Variants in TMEM132C observed in about 807,000 individuals in gnomAD.
TMEM132C encodes protein phosphatase 1, regulatory subunit 152.
TMEM132C carries 29 observed loss-of-function variants against 61.4 expected under a neutral mutation model. The observed-to-expected ratio is 0.47, with a 90% confidence interval of 0.35 to 0.64. TMEM132C has a LOEUF of 0.64. TMEM132C is among the 30% of genes least tolerant of loss of function. The probability of loss-of-function intolerance (pLI) is 0.00; values close to 1 mark genes in which losing one functional copy is unlikely to be tolerated. For missense variants in TMEM132C, 1,408 were observed against 1,476.9 expected (o/e 0.95, Z 0.76); for synonymous variants, 656 against 633.1 (o/e 1.04, Z -0.54).
At chr12:128,455,806 C>T in intron 2 of TMEM132C, among the ~76,000 whole-genome samples, 1 of 152,084 alleles carries the variant, frequency 6.6e-6, no homozygotes. Context: ...TCCAGGCCGA[C>T]TTACGGGCTG....
At chr12:128,397,080 A>C (rs1391387530) in intron 1 of TMEM132C, among the ~76,000 whole-genome samples, 1 of 152,128 alleles carries the variant, frequency 6.6e-6, no homozygotes, top group African/African-American at 2.4e-5. Context: ...ACCATACATC[A>C]GCAGCTGTGA....
intron 5 of TMEM132C, among the ~76,000 whole-genome samples, chr12:128,673,084 T>C (rs1404184366): frequency 1.3e-5 from 2 of 152,194 alleles, no homozygotes; most frequent in Admixed American, 6.5e-5. Context: ...AGGAGAGGAA[T>C]GCTGGCCTTC....
At chr12:128,308,067 C>A (rs1317601581) in intron 1 of TMEM132C, among the ~76,000 whole-genome samples, 1 of 152,184 alleles carries the variant, frequency 6.6e-6, no homozygotes, top group African/African-American at 2.4e-5. Context: ...ACTTTATCTG[C>A]AACAGTTAGG....
intron 3 of TMEM132C, among the ~76,000 whole-genome samples, chr12:128,572,526 G>T (rs1468156616): frequency 6.6e-6 from 1 of 151,264 alleles, no homozygotes. Context: ...GCTGGCCTCT[G>T]ATTGGCCGGG....
intron 3 of TMEM132C, among the ~76,000 whole-genome samples, chr12:128,544,760 T>G (rs549174440): frequency 6.6e-6 from 1 of 152,322 alleles, no homozygotes; most frequent in South Asian, 2.1e-4. Flanking sequence ...CTAAATATAT[T>G]TAGTTTACAA....
At chr12:128,439,935 T>C (rs1263013843) in intron 2 of TMEM132C, among the ~76,000 whole-genome samples, 2 of 152,206 alleles carry the variant, frequency 1.3e-5, no homozygotes, top group Non-Finnish European at 2.9e-5. Context: ...AGGGACCATT[T>C]CACATCCAGC....
At chr12:128,520,582 T>C (rs1872874944) in intron 2 of TMEM132C, among the ~76,000 whole-genome samples, 1 of 152,166 alleles carries the variant, frequency 6.6e-6, no homozygotes. Context: ...TAGAACAAGA[T>C]CATTCTTTGT....
At position 128,639,230 on chromosome 12, in the gene TMEM132C, GTGA is replaced by G. The variant is rs372403758; in HGVS notation, c.1305+22904_1305+22906del. On this transcript the variant is annotated intron_variant, in intron 4 of 8. Transcript: ENST00000435159. ...GATGATGGTGATGATAATGACAATG[GTGA>G]TGATGATGGTGATAATGATGATGGT... Among the ~76,000 whole-genome samples, 68 of 149,320 alleles carry G rather than the reference GTGA, an allele frequency of 4.6e-4. No individual in the cohort carries two copies. The East Asian group carries it at 7.1e-3, about 16-fold the overall frequency.
rs572440734 is a variant in TMEM132C at position 128,356,094 on chromosome 12, G to A, written c.86-58638G>A. Among the ~76,000 whole-genome samples, 86 of 152,326 alleles carry A rather than the reference G, an allele frequency of 5.6e-4. 1 individual carries two copies. The South Asian group carries it at 0.017, about 30-fold the overall frequency. ...ACCAAACATGTGTCCAAGGAATGATGGAAGAAATGAATTACCCTTGAACAC... is the reference window on the plus strand; with the variant it reads ...ACCAAACATGTGTCCAAGGAATGATAGAAGAAATGAATTACCCTTGAACAC... On this transcript the variant is annotated intron_variant, in intron 1 of 8. Transcript: ENST00000435159.
At chr12:128,682,310 C>G (rs1017221450) in intron 5 of TMEM132C, among the ~76,000 whole-genome samples, 3 of 152,194 alleles carry the variant, frequency 2.0e-5, no homozygotes, top group Non-Finnish European at 4.4e-5. Context: ...TCTTTGTCGC[C>G]TGATTGTTCC....
At chr12:128,320,142 C>G (rs1406833614) in intron 1 of TMEM132C, among the ~76,000 whole-genome samples, 1 of 152,100 alleles carries the variant, frequency 6.6e-6, no homozygotes, top group Non-Finnish European at 1.5e-5. Context: ...TGGTTTTTTT[C>G]TAAGTATATT....
intron 2 of TMEM132C, among the ~76,000 whole-genome samples, chr12:128,426,464 G>A (rs1463592703): frequency 6.6e-6 from 1 of 152,100 alleles, no homozygotes; most frequent in Non-Finnish European, 1.5e-5. Flanking sequence ...CCTAAAACAC[G>A]ACCAAGTTTG....
At chr12:128,617,779 G>GA (rs1398957255) in intron 4 of TMEM132C, among the ~76,000 whole-genome samples, 1 of 152,190 alleles carries the variant, frequency 6.6e-6, no homozygotes, top group African/African-American at 2.4e-5. Context: ...GGCTTTCACT[G>GA]AAACAGGGAA....
At chr12:128,541,472 G>A (rs1305952529) in intron 2 of TMEM132C, among the ~76,000 whole-genome samples, 1 of 152,156 alleles carries the variant, frequency 6.6e-6, no homozygotes, top group Non-Finnish European at 1.5e-5. Context: ...TCTTTCTGGT[G>A]ACCAACCCTA....
chr12:128,540,569 A>T (rs1411762258), intron 2 of TMEM132C, among the ~76,000 whole-genome samples: 1 of 152,122 alleles, frequency 6.6e-6, no homozygotes, highest in Admixed American at 6.5e-5. Context: ...TGTTTTCTTA[A>T]ACACGGATAT....
At chr12:128,357,832 C>G (rs1277933862) in intron 1 of TMEM132C, among the ~76,000 whole-genome samples, 1 of 151,308 alleles carries the variant, frequency 6.6e-6, no homozygotes, top group Admixed American at 6.6e-5. Flanking sequence ...TCCCACCCCA[C>G]CACACCCACC....
chr12:128,302,306 C>A (rs1169305291), intron 1 of TMEM132C, among the ~76,000 whole-genome samples: 1 of 152,160 alleles, frequency 6.6e-6, no homozygotes, highest in Non-Finnish European at 1.5e-5. Flanking sequence ...GCTGGCTGAT[C>A]TTATTATTAT....
intron 4 of TMEM132C, among the ~76,000 whole-genome samples, chr12:128,642,119 T>G (rs909889403): frequency 6.8e-6 from 1 of 146,122 alleles, no homozygotes; most frequent in African/African-American, 2.8e-5. Flanking sequence ...CCATTTTTTG[T>G]TTTTTTTGTT....
chr12:128,640,682 AC>A (rs1292943119), intron 4 of TMEM132C, among the ~76,000 whole-genome samples: 1 of 152,204 alleles, frequency 6.6e-6, no homozygotes, highest in African/African-American at 2.4e-5. Flanking sequence ...GATCACTTGA[AC>A]CCAGGAGTTC....
Sources: allele counts gnomAD v4.1 joint callset (sites outside exome capture counted in the v4.1 genomes callset), GRCh38; gene constraint gnomAD v4.1.1; transcripts MANE v1.5; gene names NCBI Gene and HGNC (gene_info 2026-07-23, HGNC 2026-07-21).